The following GRIA1 variants were observed in gnomAD, a reference collection of about 807,000 sequenced individuals.
The protein encoded by GRIA1 is glutamate receptor 1.
Under a neutral mutation model 99.2 loss-of-function variants are expected in GRIA1, and 31 were observed. The observed-to-expected ratio is 0.31, with a 90% CI of 0.23 to 0.42. GRIA1 has a LOEUF of 0.42. Among genes scored for constraint, GRIA1 ranks in the 10% least tolerant of loss-of-function variants. The pLI is 1.00. For missense variants in GRIA1, 782 were observed against 1,157.5 expected (o/e 0.68, Z 4.71); for synonymous variants, 438 against 432.4 (o/e 1.01, Z -0.16).
intron 11 of GRIA1, among the ~76,000 whole-genome samples, chr5:153,737,290 TAAA>T (rs35443126): frequency 1.8e-4 from 13 of 74,040 alleles, no homozygotes; most frequent in Admixed American, 3.4e-4. Context: ...GCAACCCCGG[TAAA>T]AAAAAAAAAA....
chr5:153,545,826 G>A (rs1469399287), intron 2 of GRIA1, among the ~76,000 whole-genome samples: 2 of 152,190 alleles, frequency 1.3e-5, no homozygotes, highest in South Asian at 2.1e-4. Flanking sequence ...GGCCATAGCT[G>A]TATTCCAATA....
intron 2 of GRIA1, among the ~76,000 whole-genome samples, chr5:153,515,981 G>A (rs1000750131): frequency 3.2e-4 from 49 of 152,276 alleles, no homozygotes; most frequent in African/African-American, 9.9e-4. Context: ...AGCACTTTGG[G>A]AGGCCAAGGT....
At chr5:153,802,309 C>A (rs755084050) in intron 14 of GRIA1, 47 bp from the exon 15 acceptor site, 12 of 1,591,016 alleles carry the variant, frequency 7.5e-6, no homozygotes, top group Non-Finnish European at 1.0e-5. Context: ...CCTCTTGACT[C>A]ACTTTATTCT....
At chr5:153,547,102 C>A (rs1490813551) in intron 2 of GRIA1, among the ~76,000 whole-genome samples, 2 of 152,196 alleles carry the variant, frequency 1.3e-5, no homozygotes, top group Non-Finnish European at 2.9e-5. Flanking sequence ...CCGCATGCAG[C>A]CCAACACGGC....
intron 2 of GRIA1, among the ~76,000 whole-genome samples, chr5:153,522,480 G>T (rs777994142): frequency 1.3e-4 from 20 of 152,102 alleles, no homozygotes; most frequent in Non-Finnish European, 2.6e-4. Flanking sequence ...GTTAGGCCAG[G>T]TTATACCACA....
At chr5:153,765,701 T>C (rs574439265) in intron 12 of GRIA1, among the ~76,000 whole-genome samples, 6 of 152,242 alleles carry the variant, frequency 3.9e-5, no homozygotes, top group African/African-American at 1.4e-4. Context: ...TACATGGAAC[T>C]ACCATCTATG....
At chr5:153,661,810 T>C (rs774461156) in intron 5 of GRIA1, among the ~76,000 whole-genome samples, 1 of 152,218 alleles carries the variant, frequency 6.6e-6, no homozygotes, top group Non-Finnish European at 1.5e-5. Context: ...GTTATGAATA[T>C]GCAAATAAGT....
intron 11 of GRIA1, among the ~76,000 whole-genome samples, chr5:153,760,417 G>A (rs1307056067): frequency 6.6e-6 from 1 of 151,760 alleles, no homozygotes; most frequent in Non-Finnish European, 1.5e-5. Context: ...AATCAAGAAA[G>A]CAATTCCATT....
chr5:153,730,837 A>G (rs1282454836), intron 11 of GRIA1, among the ~76,000 whole-genome samples: 1 of 152,140 alleles, frequency 6.6e-6, no homozygotes, highest in African/African-American at 2.4e-5. Flanking sequence ...TTTCAATGGC[A>G]TAATTCATTT....
chr5:153,540,262 C>T (rs1758951361), intron 2 of GRIA1, among the ~76,000 whole-genome samples: 1 of 152,186 alleles, frequency 6.6e-6, no homozygotes, highest in South Asian at 2.1e-4. Context: ...CAGCTTAGGC[C>T]CTGCTGGAGA....
intron 5 of GRIA1, among the ~76,000 whole-genome samples, chr5:153,664,015 C>T (rs1755565017): frequency 6.6e-6 from 1 of 152,224 alleles, no homozygotes; most frequent in Non-Finnish European, 1.5e-5. Flanking sequence ...AGCATGGAAA[C>T]TCACTGTCAC....
intron 11 of GRIA1, among the ~76,000 whole-genome samples, chr5:153,742,983 C>G (rs1274869255): frequency 6.6e-6 from 1 of 152,138 alleles, no homozygotes; most frequent in Non-Finnish European, 1.5e-5. Flanking sequence ...CCTATCACAC[C>G]TTACTTTGTG....
rs1049149742 is a variant in GRIA1 at position 153,606,965 on chromosome 5, T to C, written c.221-39963T>C. 3.0e-5 allele frequency among the ~76,000 whole-genome samples: 4 copies of C among 132,800 alleles called. No individual in the cohort carries two copies. In the South Asian group the frequency reaches 1.1e-3, roughly 38 times the overall value. The allele number at this position is 132,800 out of a possible 152,430, so 87.1% of individuals were successfully genotyped here. Reference sequence around the variant, plus strand: ...CTTGTTCAATTTGGTATTCAGGTTATGCTGACCTCAGGAGGAAAATAAGGC... The same window carrying C: ...CTTGTTCAATTTGGTATTCAGGTTACGCTGACCTCAGGAGGAAAATAAGGC... On this transcript the variant is annotated intron_variant, in intron 2 of 15. Coordinates refer to ENST00000285900, the MANE Select transcript of GRIA1 (RefSeq NM_000827.4).
chr5:153,536,093 G>A (rs928910277), intron 2 of GRIA1, among the ~76,000 whole-genome samples: 18 of 152,168 alleles, frequency 1.2e-4, no homozygotes, highest in African/African-American at 4.3e-4. Flanking sequence ...AGGCTCAGCA[G>A]ACTCTGACCC....
At chr5:153,778,252 A>G (rs1764402070) in intron 13 of GRIA1, among the ~76,000 whole-genome samples, 1 of 151,386 alleles carries the variant, frequency 6.6e-6, no homozygotes, top group Admixed American at 6.6e-5. Flanking sequence ...AGGTTTGCAA[A>G]GGAGAGAAGC....
chr5:153,634,888 G>C (rs981160663), intron 2 of GRIA1, among the ~76,000 whole-genome samples: 1 of 152,218 alleles, frequency 6.6e-6, no homozygotes, highest in African/African-American at 2.4e-5. Flanking sequence ...GTGGGACTTA[G>C]TTTCTGGTGT....
At chr5:153,658,721 A>G (rs41436549) in intron 5 of GRIA1, among the ~76,000 whole-genome samples, 11,346 of 152,292 alleles carry the variant, frequency 0.075, 555 homozygotes, top group Non-Finnish European at 0.11. Flanking sequence ...GGGTGTAATT[A>G]TAGAGTTAGA....
At chr5:153,801,963 G>A (rs1044060107) in intron 14 of GRIA1, among the ~76,000 whole-genome samples, 11 of 132,672 alleles carry the variant, frequency 8.3e-5, no homozygotes, top group Non-Finnish European at 1.3e-4. Context: ...GGGGGGGGGC[G>A]GGGGGCAGGA....
chr5:153,510,883 C>G (rs1756002907), intron 2 of GRIA1, among the ~76,000 whole-genome samples: 1 of 152,068 alleles, frequency 6.6e-6, no homozygotes, highest in African/African-American at 2.4e-5. Flanking sequence ...CAGTGCTTCC[C>G]ATTAGAACTG....
Sources: allele counts gnomAD v4.1 joint callset (sites outside exome capture counted in the v4.1 genomes callset), GRCh38; gene constraint gnomAD v4.1.1; transcripts MANE v1.5; gene names NCBI Gene and HGNC (gene_info 2026-07-23, HGNC 2026-07-21).